The following SLC22A24 variants were observed in gnomAD, a reference collection of about 807,000 sequenced individuals.
The protein encoded by SLC22A24 is solute carrier family 22 member 24, also known as steroid transmembrane transporter SLC22A24.
A neutral mutation model predicts 49.8 loss-of-function variants in SLC22A24; 53 were observed. The observed-to-expected ratio is 1.06, with a 90% CI of 0.85 to 1.34. The LOEUF (loss-of-function observed/expected upper bound fraction) is 1.34, where lower values mean the gene tolerates loss of function less well. Among genes scored for constraint, SLC22A24 ranks in the 40% most tolerant of loss-of-function variants. The pLI is 0.00. For missense variants in SLC22A24, 786 were observed against 675.9 expected (o/e 1.16, Z -1.81); for synonymous variants, 302 against 256.4 (o/e 1.18, Z -1.70).
intron 2 of SLC22A24, among the ~76,000 whole-genome samples, chr11:63,119,828 G>A (rs544323311): frequency 2.0e-5 from 3 of 152,272 alleles, no homozygotes; most frequent in South Asian, 4.1e-4. Context: ...ACTCAGCTAT[G>A]TCTAGATTTA....
intron 5 of SLC22A24, among the ~76,000 whole-genome samples, chr11:63,099,161 G>A (rs1394242771): frequency 1.3e-5 from 2 of 151,856 alleles, no homozygotes; most frequent in Non-Finnish European, 2.9e-5. Context: ...TGATGATTTC[G>A]CTGATGCATG....
At chr11:63,102,818 C>A (rs1159309971) in intron 5 of SLC22A24, among the ~76,000 whole-genome samples, 1 of 152,158 alleles carries the variant, frequency 6.6e-6, no homozygotes, top group South Asian at 2.1e-4. Flanking sequence ...GTTTGCCTGG[C>A]TGCACTTCAT....
chr11:63,118,158 GA>G (rs1458827358), intron 4 of SLC22A24, among the ~76,000 whole-genome samples: 3 of 152,084 alleles, frequency 2.0e-5, no homozygotes, highest in Admixed American at 1.3e-4. Flanking sequence ...AGCTTTTTGT[GA>G]ATGAGGTTTT....
At chr11:63,123,569 C>T (rs76815742) in intron 2 of SLC22A24, among the ~76,000 whole-genome samples, 3,606 of 152,274 alleles carry the variant, frequency 0.024, 124 homozygotes, top group African/African-American at 0.08. Context: ...GCAACTCCGA[C>T]CCAGAAAGTC....
chr11:63,127,320 A>G (rs543551768), intron 2 of SLC22A24, among the ~76,000 whole-genome samples: 1 of 152,248 alleles, frequency 6.6e-6, no homozygotes, highest in African/African-American at 2.4e-5. Context: ...ATCCTTTTTT[A>G]TGGCTGCATA....
chr11:63,104,202 C>T lies in SLC22A24; in HGVS notation c.927G>A (p.Lys309=), dbSNP rs11824521. 11,905 of 1,550,284 alleles carry T rather than the reference C, an allele frequency of 7.7e-3. 680 individuals are homozygous for T. The African/African-American group carries it at 0.13, about 17-fold the overall frequency. Residue 309 remains lysine (K), a synonymous_variant, in exon 5 of 10, where the codon AAG becomes AAA. Transcript: ENST00000612278. ...CAGTGGTCAGTGTCTCTTCAGTATT[C>T]TTTTTTCCATTTATGTGTGCAACTC... ...LRRVAHINGK[K]NTEETLTTEL...
At chr11:63,141,476 G>T (rs953358588) in intron 1 of SLC22A24, among the ~76,000 whole-genome samples, 3 of 152,156 alleles carry the variant, frequency 2.0e-5, no homozygotes, top group African/African-American at 7.2e-5. Context: ...GGAATGGCAT[G>T]CTTCTTGTAA....
At chr11:63,121,765 T>C (rs1435319936) in intron 2 of SLC22A24, among the ~76,000 whole-genome samples, 1 of 152,028 alleles carries the variant, frequency 6.6e-6, no homozygotes, top group Non-Finnish European at 1.5e-5. Flanking sequence ...ATTAGGTATA[T>C]CTCCTAATGC....
At chr11:63,128,200 GAGAT>G (rs947439504) in intron 2 of SLC22A24, among the ~76,000 whole-genome samples, 7 of 152,024 alleles carry the variant, frequency 4.6e-5, no homozygotes, top group African/African-American at 1.4e-4. Context: ...AGGCCATAGA[GAGAT>G]AGGAGCTGAA....
chr11:63,138,325 G>T (rs138377536), intron 1 of SLC22A24, among the ~76,000 whole-genome samples: 10 of 152,238 alleles, frequency 6.6e-5, no homozygotes, highest in Admixed American at 5.2e-4. Flanking sequence ...TTCCTGACCA[G>T]TTAAAGCTTC....
At chr11:63,100,053 A>G (rs1449736458) in intron 5 of SLC22A24, among the ~76,000 whole-genome samples, 1 of 152,200 alleles carries the variant, frequency 6.6e-6, no homozygotes, top group Non-Finnish European at 1.5e-5. Context: ...GTTTTTCAAC[A>G]TAGTACTGGA....
intron 4 of SLC22A24, among the ~76,000 whole-genome samples, chr11:63,111,227 G>C (rs2087161605): frequency 6.6e-6 from 1 of 150,914 alleles, no homozygotes; most frequent in Non-Finnish European, 1.5e-5. Flanking sequence ...TAAGCTTTTT[G>C]ATGTGCTGCT....
At chr11:63,089,012 C>T (rs1254548533) in intron 6 of SLC22A24, among the ~76,000 whole-genome samples, 2 of 152,090 alleles carry the variant, frequency 1.3e-5, no homozygotes, top group African/African-American at 2.4e-5. Flanking sequence ...AGGATATTAT[C>T]CAGGAGAACT....
intron 2 of SLC22A24, among the ~76,000 whole-genome samples, chr11:63,123,701 C>T (rs2087268077): frequency 6.6e-6 from 1 of 152,122 alleles, no homozygotes; most frequent in African/African-American, 2.4e-5. Flanking sequence ...CCCTTGGATT[C>T]TTCTGTTTCT....
chr11:63,081,295 A>G (rs1380937809), intron 8 of SLC22A24, among the ~76,000 whole-genome samples, 172 bp from the exon 9 acceptor site: 2 of 152,236 alleles, frequency 1.3e-5, no homozygotes, highest in African/African-American at 4.8e-5. Context: ...CCTATTTGAT[A>G]GTATAATGTT....
chr11:63,119,951 C>T (rs2087239656), intron 2 of SLC22A24, among the ~76,000 whole-genome samples: 2 of 150,884 alleles, frequency 1.3e-5, no homozygotes, highest in Admixed American at 1.3e-4. Flanking sequence ...GTCCTTCGCC[C>T]ACTTTTTGAT....
intron 6 of SLC22A24, among the ~76,000 whole-genome samples, chr11:63,087,348 C>T (rs1464514019): frequency 1.3e-5 from 2 of 152,150 alleles, no homozygotes; most frequent in Admixed American, 1.3e-4. Context: ...GGACTTCCCT[C>T]CCTGAACCAA....
At position 63,104,313 on chromosome 11, in the gene SLC22A24, C is replaced by G; in HGVS notation, c.831-15G>C. 1.3e-6 allele frequency: 2 copies of G among 1,544,012 alleles called. No individual in the cohort carries two copies. Among genetic ancestry groups the G allele is most frequent in the Non-Finnish European group, 1.7e-6 (2 of 1,145,192 alleles). ...CCACCATCTTCCTGATGAAAGAAGA[C>G]AACATAGGTATAGTAAACAATTACT... On this transcript the variant is annotated splice_polypyrimidine_tract_variant and intron_variant, in intron 4 of 9. Transcript: ENST00000612278.
intron 8 of SLC22A24, among the ~76,000 whole-genome samples, chr11:63,081,347 A>G (rs2086958924): frequency 1.3e-5 from 2 of 152,184 alleles, no homozygotes; most frequent in Admixed American, 1.3e-4. Flanking sequence ...ACTAAAATAG[A>G]GATACCCATA....
Sources: allele counts gnomAD v4.1 joint callset (sites outside exome capture counted in the v4.1 genomes callset), GRCh38; gene constraint gnomAD v4.1.1; transcripts MANE v1.5; gene names NCBI Gene and HGNC (gene_info 2026-07-23, HGNC 2026-07-21).